Variants in RGS3 observed in about 807,000 individuals in gnomAD.
RGS3 encodes regulator of G protein signaling 3, also known as regulator of G-protein signalling 3.
A neutral mutation model predicts 132.6 loss-of-function variants in RGS3; 80 were observed. The observed-to-expected ratio is 0.60, with a 90% CI of 0.50 to 0.73. The LOEUF is 0.73. Among genes scored for constraint, RGS3 ranks in the 30% least tolerant of loss-of-function variants. RGS3 has a pLI of 0.00. For missense variants in RGS3, 1,382 were observed against 1,530.8 expected, an observed-to-expected ratio of 0.90 and a Z score of 1.62; for synonymous variants, 598 against 620.6, an observed-to-expected ratio of 0.96 and a Z score of 0.54.
intron 10 of RGS3, among the ~76,000 whole-genome samples, chr9:113,498,788 G>C (rs1830767832): frequency 6.6e-6 from 1 of 151,816 alleles, no homozygotes; most frequent in Admixed American, 6.6e-5. Flanking sequence ...ATGGTGCTGG[G>C]CGTCTGTAGT....
At chr9:113,552,090 T>G (rs1299716127) in intron 19 of RGS3, among the ~76,000 whole-genome samples, 1 of 152,222 alleles carries the variant, frequency 6.6e-6, no homozygotes, top group Non-Finnish European at 1.5e-5. Context: ...ATATTCACTC[T>G]AGGATTATAT....
chr9:113,529,330 G>T, intron 18 of RGS3, 66 bp downstream of exon 16: 1 of 1,300,722 alleles, frequency 7.7e-7, no homozygotes, highest in Non-Finnish European at 1.1e-6. Flanking sequence ...GAGACACTGG[G>T]CTGGGATCTA....
At chr9:113,517,803 C>G (rs776866100) in intron 16 of RGS3, among the ~76,000 whole-genome samples, 179 bp downstream of exon 14, 5 of 152,162 alleles carry the variant, frequency 3.3e-5, no homozygotes, top group Non-Finnish European at 7.4e-5. Flanking sequence ...TTTTCTTGTA[C>G]ATCTCCTTTC....
chr9:113,454,433 C>A lies in RGS3; in HGVS notation c.-12-5812C>A, dbSNP rs950525759. On this transcript the variant is annotated intron_variant, in intron 1 of 25. Coordinates refer to the RGS3 transcript ENST00000374140. The stretch of plus-strand genomic sequence containing the variant: ...GACCAGCCTGGCCAACATGGTGAAA[C>A]CCTGTCTCTACTAAAAATACAAAAC... Among the ~76,000 whole-genome samples the A allele has an allele frequency of 5.9e-5, 9 of 151,988 alleles. No homozygotes were observed. The East Asian group carries it at 1.7e-3, about 30-fold the overall frequency.
chr9:113,588,386 G>A (rs565269479), intron 20 of RGS3, among the ~76,000 whole-genome samples: 1 of 152,350 alleles, frequency 6.6e-6, no homozygotes, highest in East Asian at 1.9e-4. Context: ...CTGGATCGGA[G>A]AGGGCAGCCA....
At chr9:113,456,216 G>T (rs1564440370), upstream of RGS3, among the ~76,000 whole-genome samples, 1 of 152,052 alleles carries the variant, frequency 6.6e-6, no homozygotes, top group Non-Finnish European at 1.5e-5. Context: ...ATTCCCTGTG[G>T]GCTGTCTTAT....
chr9:113,467,877 G>T (rs1829700517), intron 3 of RGS3, among the ~76,000 whole-genome samples: 1 of 152,044 alleles, frequency 6.6e-6, no homozygotes, highest in Non-Finnish European at 1.5e-5. Context: ...ACCATGCCTG[G>T]CTAATTTTTC....
chr9:113,536,983 G>A, intron 19 of RGS3, 65 bp downstream of exon 17: 1 of 1,527,198 alleles, frequency 6.5e-7, no homozygotes, highest in South Asian at 1.1e-5. Context: ...CTAGACCCTT[G>A]AGCCTCTGCA....
intron 3 of RGS3, among the ~76,000 whole-genome samples, chr9:113,464,506 C>T (rs543791716): frequency 2.6e-5 from 4 of 152,272 alleles, no homozygotes; most frequent in African/African-American, 4.8e-5. Context: ...AACAGCTGGG[C>T]GGCAGCTGCC....
At chr9:113,531,571 T>C (rs1588209472) in intron 18 of RGS3, among the ~76,000 whole-genome samples, 1 of 152,258 alleles carries the variant, frequency 6.6e-6, no homozygotes, top group East Asian at 1.9e-4. Context: ...GGAAGGGCTC[T>C]TCATATTCAT....
At chr9:113,472,251 A>T (rs1007399110) in intron 3 of RGS3, among the ~76,000 whole-genome samples, 2 of 152,214 alleles carry the variant, frequency 1.3e-5, no homozygotes, top group Non-Finnish European at 2.9e-5. Context: ...TGACCCAGCA[A>T]TTCCACTCTT....
At chr9:113,470,748 C>G (rs953537166) in intron 3 of RGS3, among the ~76,000 whole-genome samples, 3 of 152,108 alleles carry the variant, frequency 2.0e-5, no homozygotes, top group Non-Finnish European at 2.9e-5. Context: ...GAGGATCACT[C>G]AAGCCCAGAA....
chr9:113,522,724 G>A, intron 16 of RGS3: 1 of 579,556 alleles, frequency 1.7e-6, no homozygotes, highest in Non-Finnish European at 3.1e-6. Flanking sequence ...AGTATAGGAA[G>A]CTGGAGGGTG....
chr9:113,477,939 G>A (rs531244177), intron 3 of RGS3, among the ~76,000 whole-genome samples: 2 of 152,306 alleles, frequency 1.3e-5, no homozygotes, highest in Admixed American at 6.5e-5. Context: ...GAGTTCAGCA[G>A]CTTTTTGAGG....
chr9:113,514,187 C>G (rs1203897699), intron 14 of RGS3, among the ~76,000 whole-genome samples: 2 of 152,212 alleles, frequency 1.3e-5, no homozygotes, highest in Admixed American at 6.5e-5. Context: ...TGTGCTGCCT[C>G]CATCATAGCT....
chr9:113,526,130 C>T (rs530959204), intron 17 of RGS3, among the ~76,000 whole-genome samples: 3 of 152,332 alleles, frequency 2.0e-5, no homozygotes, highest in East Asian at 1.9e-4. Context: ...AGGTGGCCAG[C>T]GTCATGCCCA....
At chr9:113,517,121 A>C (rs1831710431) in intron 15 of RGS3, 1 of 426,072 alleles carries the variant, frequency 2.3e-6, no homozygotes, top group Non-Finnish European at 4.7e-6. Context: ...CAAGTGACCA[A>C]ATCTCTTGGC....
intron 19 of RGS3, among the ~76,000 whole-genome samples, chr9:113,574,340 C>T (rs966913601): frequency 9.2e-5 from 14 of 152,328 alleles, no homozygotes; most frequent in Middle Eastern, 3.4e-3. Context: ...CATCTTTTCC[C>T]CCCTATTACC....
At chr9:113,447,325 ATATG>A (rs1564431332) in intron 1 of RGS3, among the ~76,000 whole-genome samples, 110 of 68,956 alleles carry the variant, frequency 1.6e-3, no homozygotes, top group African/African-American at 5.0e-3. Flanking sequence ...TGATGTATGT[ATATG>A]TATATATATA....
Sources: allele counts gnomAD v4.1 joint callset (sites outside exome capture counted in the v4.1 genomes callset), GRCh38; gene constraint gnomAD v4.1.1; transcripts MANE v1.5; gene names NCBI Gene and HGNC (gene_info 2026-07-23, HGNC 2026-07-21).